TRAPPC12: variants seen among roughly 807,000 people sequenced by gnomAD.
The protein encoded by TRAPPC12 is trafficking protein particle complex subunit 12, also known as TPR repeat protein 15.
A neutral mutation model predicts 69.2 loss-of-function variants in TRAPPC12; 61 were observed. The ratio of observed to expected loss-of-function variants is 0.88; its 90% confidence interval spans 0.72 to 1.09. TRAPPC12 has a LOEUF of 1.09. Among genes scored for constraint, TRAPPC12 ranks in the 50% least tolerant of loss-of-function variants. The probability of loss-of-function intolerance (pLI) is 0.00; values close to 1 mark genes in which losing one functional copy is unlikely to be tolerated. For synonymous variants in TRAPPC12, 469 were observed against 438.9 expected (o/e 1.07, Z -0.86); for missense variants, 1,101 against 1,016.4 (o/e 1.08, Z -1.13).
intron 9 of TRAPPC12, among the ~76,000 whole-genome samples, chr2:3,468,392 C>T (rs1665917366): frequency 6.6e-6 from 1 of 151,688 alleles, no homozygotes; most frequent in African/African-American, 2.4e-5. Context: ...TGGCGTGGCT[C>T]TGAGCAGTTT....
chr2:3,450,625 A>C (rs975092102), intron 6 of TRAPPC12, among the ~76,000 whole-genome samples: 1 of 151,990 alleles, frequency 6.6e-6, no homozygotes. Context: ...ATTCTTTGAG[A>C]GCTTTGGAGC....
chr2:3,407,240 A>G (rs546874021), intron 3 of TRAPPC12, among the ~76,000 whole-genome samples: 3 of 152,308 alleles, frequency 2.0e-5, no homozygotes, highest in African/African-American at 2.4e-5. Context: ...TGTACATGCC[A>G]TTAGTTACTT....
chr2:3,400,630 C>T (rs530150370), intron 2 of TRAPPC12, among the ~76,000 whole-genome samples: 1 of 152,318 alleles, frequency 6.6e-6, no homozygotes, highest in South Asian at 2.1e-4. Context: ...TGGAGAGCAT[C>T]GTGTCCTGTG....
At chr2:3,468,988 T>C (rs1665946811) in intron 9 of TRAPPC12, among the ~76,000 whole-genome samples, 2 of 152,246 alleles carry the variant, frequency 1.3e-5, no homozygotes, top group East Asian at 1.9e-4. Flanking sequence ...CAGAATTGAC[T>C]GCGCTCTGTT....
At chr2:3,463,144 C>A in intron 8 of TRAPPC12, 1 of 312,850 alleles carries the variant, frequency 3.2e-6, no homozygotes, top group Admixed American at 4.6e-5. Flanking sequence ...TCTTGAGGAG[C>A]TTCTTTTGGC....
At chr2:3,472,647 G>A (rs1356190560) in intron 9 of TRAPPC12, 2 of 152,190 alleles carry the variant, frequency 1.3e-5, no homozygotes, top group Non-Finnish European at 2.9e-5. Context: ...TGCTTTAAAG[G>A]ACACCATAAA....
chr2:3,455,599 C>T (rs1239095373), intron 6 of TRAPPC12: 1 of 152,188 alleles, frequency 6.6e-6, no homozygotes, highest in African/African-American at 2.4e-5. Flanking sequence ...TGAGAACATA[C>T]GATGTTTGTC....
chr2:3,460,671 G>C, intron 8 of TRAPPC12: 1 of 267,092 alleles, frequency 3.7e-6, no homozygotes, highest in East Asian at 7.5e-5. Flanking sequence ...CCCTATCTTC[G>C]TGGAGGGTGT....
At chr2:3,472,206 GC>G (rs1387583827) in intron 9 of TRAPPC12, among the ~76,000 whole-genome samples, 1 of 152,130 alleles carries the variant, frequency 6.6e-6, no homozygotes, top group African/African-American at 2.4e-5. Context: ...GTGGGGAGAC[GC>G]TGAGGTGGAA....
chr2:3,453,726 G>A (rs2103124253), intron 6 of TRAPPC12, among the ~76,000 whole-genome samples: 1 of 152,332 alleles, frequency 6.6e-6, no homozygotes, highest in South Asian at 2.1e-4. Context: ...AACCAAGGAG[G>A]AAATTCCAGC....
intron 9 of TRAPPC12, among the ~76,000 whole-genome samples, chr2:3,475,948 CA>C (rs1328340876): frequency 6.6e-6 from 1 of 152,218 alleles, no homozygotes; most frequent in Non-Finnish European, 1.5e-5. Flanking sequence ...TAATCATCTT[CA>C]GTTCAGTGTC....
chr2:3,443,748 A>G, intron 5 of TRAPPC12, 31 bp from the exon 6 acceptor site: 1 of 1,589,308 alleles, frequency 6.3e-7, no homozygotes, highest in Non-Finnish European at 8.6e-7. Context: ...GTTATGGCAA[A>G]CAAACTCACT....
chr2:3,380,289 A>G (rs1317249715), intron 1 of TRAPPC12, among the ~76,000 whole-genome samples: 1 of 152,044 alleles, frequency 6.6e-6, no homozygotes, highest in African/African-American at 2.4e-5. Context: ...CCTCCCGCGG[A>G]AAGAGGTTAC....
At chr2:3,428,779 T>G (rs4971505) in intron 5 of TRAPPC12, among the ~76,000 whole-genome samples, 104,814 of 152,000 alleles carry the variant, frequency 0.69, 37,285 homozygotes, top group African/African-American at 0.88. Context: ...GAGGACTACG[T>G]GCCTGGGGCC....
At chr2:3,406,474 G>A (rs182617322) in intron 3 of TRAPPC12, among the ~76,000 whole-genome samples, 131 of 152,272 alleles carry the variant, frequency 8.6e-4, no homozygotes, top group African/African-American at 3.1e-3. Flanking sequence ...AATGTCAGTC[G>A]AATGCTTCTT....
intron 5 of TRAPPC12, among the ~76,000 whole-genome samples, chr2:3,442,335 G>A (rs1664265980): frequency 6.6e-6 from 1 of 152,138 alleles, no homozygotes; most frequent in South Asian, 2.1e-4. Context: ...GAGTGATTCT[G>A]GCCCCTTCTC....
intron 9 of TRAPPC12, 110 bp from the exon 10 acceptor site, chr2:3,477,585 C>A: frequency 1.7e-6 from 1 of 578,064 alleles, no homozygotes; most frequent in South Asian, 3.5e-5. Flanking sequence ...TTTCCTCTGC[C>A]TGACATATAA....
At position 3,477,745 on chromosome 2, in the gene TRAPPC12, AAC is replaced by A; in HGVS notation, c.1831_1832del (p.Gln611GlufsTer8). ...AGTATTTTCAAGACGTTGAGAAAGT[AAC>A]ACAGAAATTAGATGGACTACAGGGT... ...EKYFQDVEKV[T>X]QKLDGLQGKI... On this transcript the variant is annotated frameshift_variant, in exon 10 of 12. Coordinates refer to ENST00000324266, the MANE Select transcript of TRAPPC12 (RefSeq NM_016030.6). LOFTEE classifies it high-confidence loss of function. The A allele has an allele frequency of 6.2e-7, 1 of 1,608,766 alleles. No individual in the cohort carries two copies. Among genetic ancestry groups the A allele is most frequent in the Non-Finnish European group, 8.5e-7 (1 of 1,178,120 alleles).
At chr2:3,394,507 GCTACT>G (rs539903839) in intron 2 of TRAPPC12, among the ~76,000 whole-genome samples, 86 of 152,236 alleles carry the variant, frequency 5.6e-4, no homozygotes, top group African/African-American at 2.0e-3. Context: ...TGTAGTCCCA[GCTACT>G]TGCGAGGCTG....
Sources: gnomAD v4.1 joint callset for allele counts (sites outside exome capture counted in the v4.1 genomes callset) on GRCh38, gnomAD v4.1.1 for gene constraint, MANE v1.5 for transcripts, NCBI Gene and HGNC (gene_info 2026-07-23, HGNC 2026-07-21) for gene names.